The following CSMD1 variants were observed in gnomAD, a reference collection of about 807,000 sequenced individuals.
CSMD1 encodes CUB and Sushi multiple domains 1.
Under a neutral mutation model 417.5 loss-of-function variants are expected in CSMD1, and 213 were observed. That is an observed-to-expected ratio of 0.51 (90% CI 0.46 to 0.57). CSMD1 has a LOEUF of 0.57. CSMD1 is among the 20% of genes least tolerant of loss of function. CSMD1 has a pLI of 0.00. For synonymous variants in CSMD1, 2,862 were observed against 1,736.8 expected (o/e 1.65, Z -16.11); for missense variants, 6,923 against 4,529.7 (o/e 1.53, Z -15.17).
chr8:4,680,650 G>A (rs1378466563), intron 1 of CSMD1, among the ~76,000 whole-genome samples: 2 of 152,060 alleles, frequency 1.3e-5, no homozygotes, highest in East Asian at 3.9e-4. Flanking sequence ...CATGATCTTG[G>A]CTCACTGCAA....
intron 2 of CSMD1, among the ~76,000 whole-genome samples, chr8:4,535,386 G>A (rs776750559): frequency 6.6e-6 from 1 of 152,050 alleles, no homozygotes; most frequent in Non-Finnish European, 1.5e-5. Flanking sequence ...AGTTACTTTT[G>A]TAGCGTCTTC....
chr8:4,466,722 A>G (rs959359206), intron 2 of CSMD1, among the ~76,000 whole-genome samples: 2 of 152,172 alleles, frequency 1.3e-5, no homozygotes, highest in Non-Finnish European at 2.9e-5. Flanking sequence ...AAAATGGTGT[A>G]CAACAAATAC....
At chr8:3,650,370 T>C (rs754616951) in intron 7 of CSMD1, among the ~76,000 whole-genome samples, 3 of 152,184 alleles carry the variant, frequency 2.0e-5, no homozygotes, top group Non-Finnish European at 2.9e-5. Context: ...TTACATGTGT[T>C]ACCATGCTTT....
intron 3 of CSMD1, among the ~76,000 whole-genome samples, chr8:4,121,590 G>C (rs1235164116): frequency 6.9e-6 from 1 of 144,188 alleles, no homozygotes; most frequent in African/African-American, 2.6e-5. Context: ...TTTCAAAAGA[G>C]AAGTAAATCA....
intron 8 of CSMD1, among the ~76,000 whole-genome samples, chr8:3,589,345 C>T (rs1042220858): frequency 2.6e-5 from 4 of 151,262 alleles, no homozygotes; most frequent in African/African-American, 9.7e-5. Flanking sequence ...TGCAGGGGTC[C>T]AACACTGGAC....
At chr8:3,088,006 A>G (rs1417353343) in intron 48 of CSMD1, among the ~76,000 whole-genome samples, 1 of 152,240 alleles carries the variant, frequency 6.6e-6, no homozygotes, top group Non-Finnish European at 1.5e-5. Flanking sequence ...TCTGGACTGT[A>G]CAATGATGTA....
At chr8:2,940,112 A>G (rs1446848210) in intron 69 of CSMD1, among the ~76,000 whole-genome samples, 3 of 152,198 alleles carry the variant, frequency 2.0e-5, no homozygotes, top group African/African-American at 7.2e-5. Flanking sequence ...CCAACTCATC[A>G]AGAAATATTT....
intron 3 of CSMD1, among the ~76,000 whole-genome samples, chr8:4,143,172 T>G (rs935861378): frequency 1.3e-5 from 2 of 151,078 alleles, no homozygotes; most frequent in Non-Finnish European, 2.9e-5. Context: ...ATGTGAGTGT[T>G]CAAAACAGGT....
intron 1 of CSMD1, among the ~76,000 whole-genome samples, chr8:4,817,125 A>G (rs1011144034): frequency 6.6e-6 from 1 of 152,214 alleles, no homozygotes; most frequent in African/African-American, 2.4e-5. Flanking sequence ...ATCTGTATAT[A>G]AATACATATC....
At chr8:3,413,823 G>A (rs1812962431) in intron 12 of CSMD1, among the ~76,000 whole-genome samples, 1 of 152,012 alleles carries the variant, frequency 6.6e-6, no homozygotes, top group Non-Finnish European at 1.5e-5. Flanking sequence ...TGTCAGAGAC[G>A]ATTTTAACAC....
chr8:4,484,765 C>T (rs1039683934), intron 2 of CSMD1, among the ~76,000 whole-genome samples: 2 of 151,758 alleles, frequency 1.3e-5, no homozygotes, highest in African/African-American at 4.8e-5. Context: ...GTCAGGAGAT[C>T]GAGACCATCC....
chr8:3,415,805 A>C (rs570052040), intron 12 of CSMD1, among the ~76,000 whole-genome samples: 2 of 152,254 alleles, frequency 1.3e-5, no homozygotes, highest in East Asian at 1.9e-4. Flanking sequence ...GTATACAAGT[A>C]ATAAATGGAA....
chr8:4,746,152 G>C (rs1008198748), intron 1 of CSMD1, among the ~76,000 whole-genome samples: 3 of 151,956 alleles, frequency 2.0e-5, no homozygotes, highest in African/African-American at 7.3e-5. Flanking sequence ...CTGTTTCTTG[G>C]GCTTTGCACC....
intron 3 of CSMD1, among the ~76,000 whole-genome samples, chr8:4,078,204 C>T (rs1043804343): frequency 1.3e-5 from 2 of 151,814 alleles, no homozygotes; most frequent in Non-Finnish European, 2.9e-5. Context: ...TGCATTTCTA[C>T]ATCATTTTTT....
chr8:4,774,700 T>A (rs544431410), intron 1 of CSMD1, among the ~76,000 whole-genome samples: 1 of 152,230 alleles, frequency 6.6e-6, no homozygotes, highest in East Asian at 1.9e-4. Context: ...TGGGGGTGGA[T>A]CCTTCATGAA....
chr8:3,621,087 G>C (rs1160150061), intron 7 of CSMD1, among the ~76,000 whole-genome samples: 1 of 152,174 alleles, frequency 6.6e-6, no homozygotes, highest in Admixed American at 6.5e-5. Flanking sequence ...CAAGAAGAGA[G>C]TCATCCACAA....
chr8:4,722,851 T>A (rs760618231), intron 1 of CSMD1, among the ~76,000 whole-genome samples: 4 of 152,152 alleles, frequency 2.6e-5, no homozygotes, highest in Non-Finnish European at 4.4e-5. Flanking sequence ...ATGACACTGC[T>A]TTAGATATCT....
At chr8:3,168,049 A>C (rs1385631797) in intron 37 of CSMD1, among the ~76,000 whole-genome samples, 1 of 134,146 alleles carries the variant, frequency 7.5e-6, no homozygotes, top group Non-Finnish European at 1.6e-5. Flanking sequence ...CAAACATCAC[A>C]ATTAGAAAAA....
intron 12 of CSMD1, among the ~76,000 whole-genome samples, chr8:3,411,293 T>C (rs1286923988): frequency 6.6e-6 from 1 of 152,174 alleles, no homozygotes; most frequent in East Asian, 1.9e-4. Context: ...GCTTGCACTT[T>C]ATTATCTTGC....
Sources: allele counts gnomAD v4.1 joint callset (sites outside exome capture counted in the v4.1 genomes callset), GRCh38; gene constraint gnomAD v4.1.1; transcripts MANE v1.5; gene names NCBI Gene and HGNC (gene_info 2026-07-23, HGNC 2026-07-21).